Variants in CDH3 observed in about 807,000 individuals in gnomAD.
The protein encoded by CDH3 is cadherin 3.
CDH3 carries 54 observed loss-of-function variants against 82.0 expected under a neutral mutation model. The ratio of observed to expected loss-of-function variants is 0.66; its 90% CI spans 0.53 to 0.83. The LOEUF (loss-of-function observed/expected upper bound fraction) is 0.83, where lower values mean the gene tolerates loss of function less well. Among genes scored for constraint, CDH3 ranks in the 40% least tolerant of loss-of-function variants. The probability of loss-of-function intolerance (pLI) is 0.00; values close to 1 mark genes in which losing one functional copy is unlikely to be tolerated. For synonymous variants in CDH3, 446 were observed against 437.9 expected, an observed-to-expected ratio of 1.02 and a Z score of -0.23; for missense variants, 1,054 against 1,084.6, an observed-to-expected ratio of 0.97 and a Z score of 0.40.
At chr16:68,650,384 A>T (rs1960204015) in intron 2 of CDH3, among the ~76,000 whole-genome samples, 1 of 152,134 alleles carries the variant, frequency 6.6e-6, no homozygotes, top group Non-Finnish European at 1.5e-5. Flanking sequence ...GGCTCACCGC[A>T]ACCTCCACCT....
At chr16:68,708,689 G>A (rs1307247337) in intron 1 of CDH3, among the ~76,000 whole-genome samples, 1 of 151,098 alleles carries the variant, frequency 6.6e-6, no homozygotes, top group Non-Finnish European at 1.5e-5. Flanking sequence ...TGTCGCCCAG[G>A]CTGGAGTACA....
chr16:68,651,070 GC>G (rs1310482035), intron 2 of CDH3: 1 of 425,714 alleles, frequency 2.3e-6, no homozygotes, highest in Non-Finnish European at 4.4e-6. Flanking sequence ...ATATTCAGGG[GC>G]CTTCCCTGGG....
chr16:68,706,604 G>A (rs1366005154), intron 1 of CDH3, among the ~76,000 whole-genome samples: 9 of 140,960 alleles, frequency 6.4e-5, no homozygotes, highest in Non-Finnish European at 1.4e-4. Flanking sequence ...CTAGGCTGGA[G>A]TGCAGTGGTG....
chr16:68,691,096 C>T (rs1961560221), intron 12 of CDH3, among the ~76,000 whole-genome samples: 1 of 148,456 alleles, frequency 6.7e-6, no homozygotes, highest in South Asian at 2.1e-4. Context: ...ACCTCCACCT[C>T]CCAGGTTCAA....
At chr16:68,695,721 C>T in intron 14 of CDH3, 56 bp from the exon 15 acceptor site, 1 of 1,593,548 alleles carries the variant, frequency 6.3e-7, no homozygotes, top group Non-Finnish European at 8.6e-7. Flanking sequence ...ATGTAAGTGG[C>T]AGGGGAGTGG....
At chr16:68,657,597 G>A (rs1960441415) in intron 2 of CDH3, among the ~76,000 whole-genome samples, 1 of 152,180 alleles carries the variant, frequency 6.6e-6, no homozygotes, top group African/African-American at 2.4e-5. Flanking sequence ...CATCTGAGGA[G>A]AGGGCTCAGA....
chr16:68,725,536 T>C (rs997882266), intron 2 of CDH3, among the ~76,000 whole-genome samples: 1 of 151,882 alleles, frequency 6.6e-6, no homozygotes, highest in South Asian at 2.1e-4. Flanking sequence ...GGTTTCACCA[T>C]GTTAGCCAGG....
intron 2 of CDH3, among the ~76,000 whole-genome samples, chr16:68,650,358 G>T (rs1289348873): frequency 2.0e-5 from 3 of 152,120 alleles, no homozygotes; most frequent in Non-Finnish European, 2.9e-5. Context: ...AGGCTGGAGT[G>T]CAATGGCGCA....
chr16:68,649,088 G>A (rs1455901842), intron 2 of CDH3, among the ~76,000 whole-genome samples: 3 of 152,130 alleles, frequency 2.0e-5, no homozygotes, highest in African/African-American at 7.2e-5. Context: ...GGAGAGGTGG[G>A]AGGAGGGAAC....
chr16:68,668,801 G>T (rs1960809943), intron 2 of CDH3, among the ~76,000 whole-genome samples: 1 of 152,172 alleles, frequency 6.6e-6, no homozygotes, highest in East Asian at 1.9e-4. Context: ...CATAGAAAGA[G>T]GCCAGGATGT....
At chr16:68,717,272 T>C (rs1962106231) in intron 1 of CDH3, among the ~76,000 whole-genome samples, 1 of 152,212 alleles carries the variant, frequency 6.6e-6, no homozygotes, top group African/African-American at 2.4e-5. Flanking sequence ...TACCACTACC[T>C]ACCTATTAGA....
At chr16:68,651,377 G>C (rs1223447183) in intron 2 of CDH3, 3 of 554,112 alleles carry the variant, frequency 5.4e-6, no homozygotes, top group Non-Finnish European at 1.1e-5. Context: ...TATGGTTCTT[G>C]GGGCTGTAGA....
intron 1 of CDH3, among the ~76,000 whole-genome samples, chr16:68,714,942 G>T (rs1036597837): frequency 1.3e-5 from 2 of 152,044 alleles, no homozygotes; most frequent in Admixed American, 1.3e-4. Flanking sequence ...GGAGTTTGAG[G>T]CTGGCAGTGA....
In CDH3 at chr16:68,699,484, ATTT is replaced by A. The variant is rs34099768; in HGVS notation, c.*1099_*1101del. 75 of 140,032 alleles carry A rather than the reference ATTT, an allele frequency of 5.4e-4. No homozygotes were observed. Among genetic ancestry groups the A allele is most frequent in the East Asian group, 6.3e-4 (3 of 4,734 alleles). 8.7% of individuals were successfully genotyped at this position (140,032 alleles called of 1,614,324 possible). A position where few individuals can be genotyped will look rare whatever the true frequency, so the allele number is the denominator to read the frequency against. On this transcript the variant is annotated 3_prime_UTR_variant, in exon 16 of 16. Transcript: ENST00000264012. ...AGCCAGCTCTGCTACTTGCTAGCAC[ATTT>A]TTTTTTTTTTTTTTGAGACGGAGTC...
chr16:68,703,572 T>G (rs1467012110), downstream of CDH3, among the ~76,000 whole-genome samples: 3 of 152,052 alleles, frequency 2.0e-5, no homozygotes, highest in Non-Finnish European at 4.4e-5. Context: ...CCCAGCAGAG[T>G]ACAAGTTCAA....
chr16:68,731,549 T>C (rs1439155417), downstream of CDH3, among the ~76,000 whole-genome samples: 1 of 138,704 alleles, frequency 7.2e-6, no homozygotes, highest in African/African-American at 2.6e-5. Flanking sequence ...CATATATATA[T>C]ATACAATTTG....
At chr16:68,681,787 G>A (rs1961236557) in intron 8 of CDH3, among the ~76,000 whole-genome samples, 1 of 151,784 alleles carries the variant, frequency 6.6e-6, no homozygotes, top group Non-Finnish European at 1.5e-5. Flanking sequence ...GCAGTGAGCC[G>A]AGATCACACC....
chr16:68,670,707 T>A (rs2152096574), intron 2 of CDH3, among the ~76,000 whole-genome samples: 1 of 152,362 alleles, frequency 6.6e-6, no homozygotes, highest in South Asian at 2.1e-4. Flanking sequence ...ATTCAAGTTC[T>A]ACATCAGCAG....
chr16:68,687,385 G>C lies in CDH3; in HGVS notation c.1571-127G>C, dbSNP rs138106437. ...ATGATGGCTCAACTGGCATGTATGT[G>C]CCATGTATTGGAAGCAAGGGCATGG... is the stretch of plus-strand genomic sequence containing the variant. On this transcript the variant is annotated intron_variant, in intron 11 of 15. Transcript: ENST00000264012. 364 of 708,798 alleles carry C rather than the reference G, an allele frequency of 5.1e-4. 3 individuals carry two copies. In the East Asian group the frequency reaches 9.5e-3, roughly 19 times the overall value. 43.9% of individuals were successfully genotyped at this position (708,798 alleles called of 1,614,324 possible). A position where few individuals can be genotyped will look rare whatever the true frequency, so the allele number is the denominator to read the frequency against.
Sources: gnomAD v4.1 joint callset for allele counts (sites outside exome capture counted in the v4.1 genomes callset) on GRCh38, gnomAD v4.1.1 for gene constraint, MANE v1.5 for transcripts, NCBI Gene and HGNC (gene_info 2026-07-23, HGNC 2026-07-21) for gene names.